The following PPP1R16B variants were observed in gnomAD, a reference collection of about 807,000 sequenced individuals.
PPP1R16B encodes protein phosphatase 1 regulatory inhibitor subunit 16B.
Under a neutral mutation model 61.7 loss-of-function variants are expected in PPP1R16B, and 14 were observed. The observed-to-expected ratio is 0.23, with a 90% CI of 0.15 to 0.35. The LOEUF (loss-of-function observed/expected upper bound fraction) is 0.35. Among genes scored for constraint, PPP1R16B ranks in the 10% least tolerant of loss-of-function variants. The pLI, the probability that PPP1R16B is intolerant of heterozygous loss-of-function variation, is 1.00. For synonymous variants in PPP1R16B, 266 were observed against 305.3 expected, an observed-to-expected ratio of 0.87 and a Z score of 1.34; for missense variants, 547 against 752.5, an observed-to-expected ratio of 0.73 and a Z score of 3.19.
Position 38,907,786 on chromosome 20 carries a change from A to G in PPP1R16B, c.899-20A>G, listed in dbSNP as rs1297945048. The G allele has an allele frequency of 4.3e-6, 7 of 1,613,696 alleles. No individual in the cohort carries two copies. Among genetic ancestry groups the G allele is most frequent in the Non-Finnish European group, 5.9e-6 (7 of 1,179,840 alleles). On this transcript the variant is annotated intron_variant, in intron 8 of 10. Coordinates refer to ENST00000299824, the MANE Select transcript of PPP1R16B (RefSeq NM_015568.4). The surrounding 1 kb of genome is among the most constrained non-coding windows in gnomAD (Gnocchi z 4.5). ...AGGTCCTGGCCCCGTCCCCCACAAC[A>G]GACTCCTCTGCCCCTTCAGACCTGT...
intron 2 of PPP1R16B, among the ~76,000 whole-genome samples, chr20:38,874,871 A>G (rs142481981): frequency 6.6e-6 from 1 of 152,270 alleles, no homozygotes; most frequent in African/African-American, 2.4e-5. Flanking sequence ...AGTATCCCCA[A>G]CTGTAAAATA....
At chr20:38,916,749 C>T (rs1333858436) in intron 10 of PPP1R16B, among the ~76,000 whole-genome samples, 2 of 152,028 alleles carry the variant, frequency 1.3e-5, no homozygotes, top group Non-Finnish European at 2.9e-5. Context: ...GCAAAACTGT[C>T]CATCAAAGAG....
At chr20:38,913,918 G>T (rs1292984474) in intron 10 of PPP1R16B, among the ~76,000 whole-genome samples, 2 of 152,192 alleles carry the variant, frequency 1.3e-5, no homozygotes, top group Non-Finnish European at 2.9e-5. Context: ...ACCGCTGGGC[G>T]CAGTGGCTCA....
intron 2 of PPP1R16B, among the ~76,000 whole-genome samples, chr20:38,864,981 C>T (rs1021430226): frequency 5.9e-5 from 9 of 152,182 alleles, no homozygotes; most frequent in African/African-American, 1.4e-4. Context: ...CTGGGTTGGC[C>T]TGGAATCATG....
chr20:38,906,064 G>T lies in PPP1R16B; in HGVS notation c.792G>T (p.Glu264Asp). 1 of 1,613,382 alleles carries T rather than the reference G, an allele frequency of 6.2e-7. No individual in the cohort carries two copies. The change falls in exon 7 of 11, where the codon GAG becomes GAT. Residue 264 changes from glutamate (E) to aspartate (D), a missense_variant. By Grantham distance (45) the Glu-to-Asp change is conservative. Transcript: ENST00000299824. ...ATGTGAAGGACTGGGATGGCTGGGAGCCCCTGCATGCAGCTGCCTTCTGGG... is the reference window on the plus strand; with the variant it reads ...ATGTGAAGGACTGGGATGGCTGGGATCCCCTGCATGCAGCTGCCTTCTGGG... ...RVDVKDWDGW[E>D]PLHAAAFWGQ...
intron 2 of PPP1R16B, among the ~76,000 whole-genome samples, chr20:38,860,931 T>G (rs1395584618): frequency 3.3e-5 from 5 of 152,078 alleles, no homozygotes; most frequent in Non-Finnish European, 7.4e-5. Flanking sequence ...CCCCTGCAGG[T>G]CCCAATTTGC....
chr20:38,864,746 G>T (rs896710110), intron 2 of PPP1R16B, among the ~76,000 whole-genome samples: 1 of 152,176 alleles, frequency 6.6e-6, no homozygotes, highest in African/African-American at 2.4e-5. Flanking sequence ...CCAGGACTTG[G>T]GTGCACAGGG....
rs1314450751 is a variant in PPP1R16B, at chr20:38,922,522, G to A, written c.*3856G>A. On this transcript the variant is annotated 3_prime_UTR_variant, in exon 11 of 11. Coordinates refer to ENST00000299824, the MANE Select transcript of PPP1R16B (RefSeq NM_015568.4). ...TGACTCTGCAAAAGTGACCCCCTGT[G>A]CCAGAAGCTATAGCCCTCTCCCCAA... 2 of 152,598 alleles carry A rather than the reference G, an allele frequency of 1.3e-5. No homozygotes were observed. The highest frequency in any genetic ancestry group is 2.9e-5 in the Non-Finnish European group (2 of 68,054). 9.5% of individuals were successfully genotyped at this position (152,598 alleles called of 1,614,324 possible). A position where few individuals can be genotyped will look rare whatever the true frequency, so the allele number is the denominator to read the frequency against.
intron 2 of PPP1R16B, among the ~76,000 whole-genome samples, chr20:38,852,161 G>A (rs892602964): frequency 6.6e-6 from 1 of 152,164 alleles, no homozygotes; most frequent in Non-Finnish European, 1.5e-5. Flanking sequence ...CAACAACTTT[G>A]GTGATTACCA....
At chr20:38,835,206 C>A (rs539898666) in intron 1 of PPP1R16B, among the ~76,000 whole-genome samples, 7 of 152,316 alleles carry the variant, frequency 4.6e-5, no homozygotes, top group Admixed American at 1.3e-4. Flanking sequence ...ATCTCCAGTA[C>A]AACTTGCATC....
At chr20:38,860,178 G>A (rs1479262978) in intron 2 of PPP1R16B, among the ~76,000 whole-genome samples, 2 of 152,242 alleles carry the variant, frequency 1.3e-5, no homozygotes, top group East Asian at 1.9e-4. Context: ...GTGTTGGTCA[G>A]GCTGGTCTCA....
intron 1 of PPP1R16B, among the ~76,000 whole-genome samples, chr20:38,835,084 G>A (rs2084860984): frequency 6.6e-6 from 1 of 152,154 alleles, no homozygotes; most frequent in Admixed American, 6.5e-5. Context: ...TTTGACCTAT[G>A]GACTTCTTGA....
chr20:38,872,156 T>C (rs940645824), intron 2 of PPP1R16B, among the ~76,000 whole-genome samples: 2 of 152,200 alleles, frequency 1.3e-5, no homozygotes, highest in African/African-American at 4.8e-5. Flanking sequence ...CAAGGAAGAC[T>C]TCACCGGGTG....
chr20:38,911,223 T>C (rs1313758323), intron 10 of PPP1R16B, among the ~76,000 whole-genome samples: 3 of 148,428 alleles, frequency 2.0e-5, no homozygotes, highest in East Asian at 4.1e-4. Flanking sequence ...CTGGAGTGCA[T>C]TGGCGCGATC....
chr20:38,807,794 T>C (rs917634481), intron 1 of PPP1R16B, among the ~76,000 whole-genome samples: 2 of 152,126 alleles, frequency 1.3e-5, no homozygotes, highest in Non-Finnish European at 2.9e-5. Flanking sequence ...TGGCTCCAGC[T>C]CTTCCCAGCC....
intron 5 of PPP1R16B, among the ~76,000 whole-genome samples, chr20:38,902,138 T>C (rs2145774231): frequency 6.6e-6 from 1 of 152,334 alleles, no homozygotes; most frequent in East Asian, 1.9e-4. Flanking sequence ...ATACAATGTC[T>C]CTCTGGGCCC....
intron 6 of PPP1R16B, among the ~76,000 whole-genome samples, chr20:38,903,062 C>G (rs530846822): frequency 1.3e-5 from 2 of 152,166 alleles, no homozygotes; most frequent in African/African-American, 4.8e-5. Context: ...ATCACTTGAG[C>G]CTGGGAGTTT....
Position 38,872,563 on chromosome 20 carries a change from G to C in PPP1R16B, c.251-17032G>C, listed in dbSNP as rs151334460. The stretch of plus-strand genomic sequence containing the variant: ...ATTGTTAGACACCCCCCTCCTGCAG[G>C]GTTCCTGATCCAGCAGGGCTGGGGT... On this transcript the variant is annotated intron_variant, in intron 2 of 10. Coordinates refer to ENST00000299824, the MANE Select transcript of PPP1R16B (RefSeq NM_015568.4). 2.2e-3 allele frequency among the ~76,000 whole-genome samples: 332 copies of C among 152,260 alleles called. 4 individuals are homozygous for C. The highest frequency in any genetic ancestry group is 7.8e-3 in the African/African-American group (323 of 41,536).
chr20:38,920,260 C>G lies in PPP1R16B; in HGVS notation c.*1594C>G, dbSNP rs189133272. 2.6e-4 allele frequency: 40 copies of G among 152,868 alleles called. No homozygotes were observed. The highest frequency in any genetic ancestry group is 9.6e-4 in the African/African-American group (40 of 41,570). The allele number at this position is 152,868 out of a possible 1,614,324, so 9.5% of individuals were successfully genotyped here. ...GCTCAGCCAGAACCTCTTGGTGTAC[C>G]CGATAAGCTGCAGGTTATCCCTTGC... On this transcript the variant is annotated 3_prime_UTR_variant, in exon 11 of 11. Coordinates refer to ENST00000299824, the MANE Select transcript of PPP1R16B (RefSeq NM_015568.4).
Sources: gnomAD v4.1 joint callset for allele counts (sites outside exome capture counted in the v4.1 genomes callset) on GRCh38, gnomAD v4.1.1 for gene constraint, Gnocchi (gnomAD v3.1) non-coding constraint, MANE v1.5 for transcripts, NCBI Gene and HGNC (gene_info 2026-07-23, HGNC 2026-07-21) for gene names.